Variants in PREX1 observed in about 807,000 individuals in gnomAD.
PREX1 encodes the protein phosphatidylinositol-3,4,5-trisphosphate dependent Rac exchange factor 1.
Under a neutral mutation model 198.3 loss-of-function variants are expected in PREX1, and 41 were observed. The ratio of observed to expected loss-of-function variants is 0.21; its 90% CI spans 0.16 to 0.27. The LOEUF (loss-of-function observed/expected upper bound fraction) is 0.27, where lower values mean the gene tolerates loss of function less well. PREX1 is among the 10% of genes least tolerant of loss of function. PREX1 has a pLI of 1.00. For synonymous variants in PREX1, 843 were observed against 887.2 expected, an observed-to-expected ratio of 0.95 and a Z score of 0.89; for missense variants, 1,620 against 2,200.7, an observed-to-expected ratio of 0.74 and a Z score of 5.28.
rs758347401 is a variant in PREX1, at chr20:48,827,604, G to T, written c.219+38C>A. 6 of 1,226,076 alleles carry T rather than the reference G, an allele frequency of 4.9e-6. No individual in the cohort carries two copies. The highest frequency in any genetic ancestry group is 6.2e-6 in the Non-Finnish European group (6 of 967,264). The allele number at this position is 1,226,076 out of a possible 1,614,324, so 75.9% of individuals were successfully genotyped here. On this transcript the variant is annotated intron_variant, in intron 1 of 39. Transcript: ENST00000371941. The surrounding 1 kb of genome is among the most constrained non-coding windows in gnomAD (Gnocchi z 4.1). ...GGGACCGCAGCGGGGCGAGCGGCTG[G>T]AGGGAAAGCTGTCCCCAAGCTCCCG...
At chr20:48,732,029 T>C (rs2090036746) in intron 4 of PREX1, among the ~76,000 whole-genome samples, 1 of 152,200 alleles carries the variant, frequency 6.6e-6, no homozygotes, top group Non-Finnish European at 1.5e-5. Flanking sequence ...AGGGTGGTGC[T>C]GCCTGCAAGC....
chr20:48,705,927 C>A (rs531285118), intron 6 of PREX1, among the ~76,000 whole-genome samples: 1 of 152,204 alleles, frequency 6.6e-6, no homozygotes, highest in African/African-American at 2.4e-5. Context: ...CGAGACAGGG[C>A]AGTCTATAAG....
the PREX1 span, among the ~76,000 whole-genome samples, chr20:48,857,565 T>C: frequency 4.6e-5 from 7 of 150,700 alleles, no homozygotes; most frequent in African/African-American, 1.7e-4. Context: ...CTCAGGAGTT[T>C]GAGACCAGCC....
At chr20:48,653,151 AC>A (rs2089513815) in intron 20 of PREX1, among the ~76,000 whole-genome samples, 2 of 152,038 alleles carry the variant, frequency 1.3e-5, no homozygotes, top group East Asian at 1.9e-4. Flanking sequence ...GAAAACCGAG[AC>A]CCCCGGGTAT....
intron 1 of PREX1, among the ~76,000 whole-genome samples, chr20:48,809,660 C>A (rs576660684): frequency 6.6e-6 from 1 of 152,272 alleles, no homozygotes; most frequent in Admixed American, 6.5e-5. Context: ...AGAAACGAGG[C>A]CAGGGGAGAG....
intron 1 of PREX1, among the ~76,000 whole-genome samples, chr20:48,752,199 T>C (rs575080458): frequency 7.2e-5 from 11 of 152,328 alleles, no homozygotes; most frequent in African/African-American, 2.6e-4. Flanking sequence ...GGTGAGCCAC[T>C]GGGCACCTTC....
chr20:48,798,500 T>G (rs971212342), intron 1 of PREX1, among the ~76,000 whole-genome samples: 2 of 152,222 alleles, frequency 1.3e-5, no homozygotes, highest in African/African-American at 4.8e-5. Context: ...AGGCCCTGCA[T>G]GCTCTGTCCC....
intron 1 of PREX1, among the ~76,000 whole-genome samples, chr20:48,799,651 G>A (rs111248293): frequency 5.3e-5 from 8 of 152,302 alleles, no homozygotes; most frequent in African/African-American, 1.9e-4. Flanking sequence ...TGTACCCCAT[G>A]GGTAAGGGTT....
intron 11 of PREX1, 99 bp downstream of exon 11, chr20:48,681,136 C>T (rs1020632044): frequency 5.7e-6 from 6 of 1,058,770 alleles, no homozygotes; most frequent in African/African-American, 3.1e-5. Context: ...GGCGGCTGCA[C>T]GAAAGGATAG....
chr20:48,795,422 C>G (rs1040983694), intron 1 of PREX1, among the ~76,000 whole-genome samples: 5 of 151,756 alleles, frequency 3.3e-5, no homozygotes, highest in African/African-American at 7.3e-5. Context: ...CCCAACCCCC[C>G]ACCCCTGAGG....
In PREX1 at chr20:48,627,914, G is replaced by T; in HGVS notation, c.4816C>A (p.His1606Asn). The T allele has an allele frequency of 6.2e-7, 1 of 1,612,884 alleles. No homozygotes were observed. The highest frequency in any genetic ancestry group is 8.5e-7 in the Non-Finnish European group (1 of 1,179,922). Residue 1606 changes from histidine (H) to asparagine (N), a missense_variant, in exon 38 of 40, where the codon CAC (histidine) becomes AAC (asparagine). His to Asn is a moderately conservative substitution (Grantham distance 68). Transcript: ENST00000371941. Reference sequence around the variant, plus strand: ...ATGATGCACTTGGGCAGCAACCCGTGGCTCCGTGCCAAGATGGCCGCCTGC... The same window carrying T: ...ATGATGCACTTGGGCAGCAACCCGTTGCTCCGTGCCAAGATGGCCGCCTGC... ...LEQAAILARSHGLLPKCIMQA... is the reference protein window; with the variant it reads ...LEQAAILARSNGLLPKCIMQA...
At chr20:48,796,320 AG>A (rs1375079960) in intron 1 of PREX1, among the ~76,000 whole-genome samples, 1 of 151,330 alleles carries the variant, frequency 6.6e-6, no homozygotes, top group Non-Finnish European at 1.5e-5. Context: ...AAAAAAAAAA[AG>A]TACCTCCATT....
intron 1 of PREX1, among the ~76,000 whole-genome samples, chr20:48,752,151 T>C (rs1312438241): frequency 6.6e-6 from 1 of 152,130 alleles, no homozygotes; most frequent in Non-Finnish European, 1.5e-5. Flanking sequence ...CCTCCATGTA[T>C]TAAGTAGAAA....
Position 48,679,405 on chromosome 20 carries a change from A to G in PREX1, c.1544T>C (p.Val515Ala), listed in dbSNP as rs368786438. Reference sequence around the variant, plus strand: ...GCTGTGAAGACGGCAGTAAAGCCTCACACCCTGAAAGAAAAAAGGGGAGGA... The same window carrying G: ...GCTGTGAAGACGGCAGTAAAGCCTCGCACCCTGAAAGAAAAAAGGGGAGGA... ...SELEDIMSKG[V>A]RLYCRLHSLY... Residue 515 changes from valine to alanine, a missense_variant, in exon 13 of 40, where the codon GTG (valine) becomes GCG (alanine). Transcript: ENST00000371941. The G allele has an allele frequency of 1.9e-6, 3 of 1,613,274 alleles. No individual in the cohort carries two copies. Among genetic ancestry groups the G allele is most frequent in the Non-Finnish European group, 2.5e-6 (3 of 1,179,508 alleles).
intron 30 of PREX1, among the ~76,000 whole-genome samples, chr20:48,638,191 C>T (rs932568943): frequency 1.3e-5 from 2 of 152,130 alleles, no homozygotes; most frequent in Non-Finnish European, 2.9e-5. Flanking sequence ...CACATATGTA[C>T]ACACGCAGGT....
At position 48,758,043 on chromosome 20, in the gene PREX1, G is replaced by A. The variant is rs566630508; in HGVS notation, c.220-10163C>T. Among the ~76,000 whole-genome samples the A allele has an allele frequency of 1.5e-3, 221 of 152,296 alleles. 2 individuals are homozygous for A. Among genetic ancestry groups the A allele is most frequent in the Middle Eastern group, 6.8e-3 (2 of 294 alleles). The stretch of plus-strand genomic sequence containing the variant: ...TGGTTCCCCAGATGCAGCAGACCCT[G>A]AGGCAAGAAGTGGAGTACAAGTAGT... On this transcript the variant is annotated intron_variant, in intron 1 of 39. Transcript: ENST00000371941.
upstream of PREX1, among the ~76,000 whole-genome samples, chr20:48,832,870 T>C (rs190288041): frequency 1.7e-3 from 258 of 152,296 alleles, 1 homozygote; most frequent in Middle Eastern, 3.4e-3. Context: ...CCAGGAGGCA[T>C]TGGAGACACT....
chr20:48,638,992 T>C (rs984948490), intron 30 of PREX1, among the ~76,000 whole-genome samples: 3 of 152,242 alleles, frequency 2.0e-5, no homozygotes, highest in Admixed American at 6.5e-5. Flanking sequence ...GAGGCTGCCA[T>C]TCCCCGAGGG....
chr20:48,638,283 TG>T (rs1331233290), intron 30 of PREX1, among the ~76,000 whole-genome samples: 1 of 152,070 alleles, frequency 6.6e-6, no homozygotes, highest in Non-Finnish European at 1.5e-5. Context: ...CACATACATA[TG>T]TACACACACA....
Sources: gnomAD v4.1 joint callset for allele counts (sites outside exome capture counted in the v4.1 genomes callset) on GRCh38, gnomAD v4.1.1 for gene constraint, Gnocchi (gnomAD v3.1) non-coding constraint, MANE v1.5 for transcripts, NCBI Gene and HGNC (gene_info 2026-07-23, HGNC 2026-07-21) for gene names.